KLHL18: variants seen among roughly 807,000 people sequenced by gnomAD.
KLHL18 encodes kelch-like protein 18.
Under a neutral mutation model 58.5 loss-of-function variants are expected in KLHL18, and 38 were observed. The ratio of observed to expected loss-of-function variants is 0.65; its 90% confidence interval spans 0.50 to 0.85. KLHL18 has a LOEUF of 0.85. Among genes scored for constraint, KLHL18 ranks in the 40% least tolerant of loss-of-function variants. The pLI, the probability that KLHL18 is intolerant of heterozygous loss-of-function variation, is 0.00. For missense variants in KLHL18, 624 were observed against 778.4 expected, an observed-to-expected ratio of 0.80 and a Z score of 2.36; for synonymous variants, 303 against 301.9, an observed-to-expected ratio of 1.00 and a Z score of -0.04.
intron 7 of KLHL18, chr3:47,337,829 CTA>C (rs1451079222): frequency 1.3e-5 from 2 of 152,214 alleles, no homozygotes; most frequent in Admixed American, 1.3e-4. Flanking sequence ...TTGCAGCTTC[CTA>C]TGTTTGAGTG....
chr3:47,336,728 C>G lies in KLHL18; in HGVS notation c.1092C>G (p.Thr364=). ...EAYNPETDTW[T]RVGSMNSKRS... ...ACAACCCGGAGACAGACACATGGAC[C>G]AGAGTGGGGAGCATGAATAGCAAGA... Residue 364 remains threonine (T), a synonymous_variant, in exon 7 of 10, where the codon ACC becomes ACG. Transcript: ENST00000232766. The G allele has an allele frequency of 3.7e-6, 6 of 1,614,148 alleles. No individual in the cohort carries two copies. The highest frequency in any genetic ancestry group is 5.1e-6 in the Non-Finnish European group (6 of 1,179,988).
At chr3:47,327,013 CA>C (rs1324020792) in intron 3 of KLHL18, among the ~76,000 whole-genome samples, 5 of 151,024 alleles carry the variant, frequency 3.3e-5, no homozygotes, top group Non-Finnish European at 7.4e-5. Context: ...CCGAGGCAGG[CA>C]GATCGCCTGA....
Position 47,340,617 on chromosome 3 carries a change from G to T in KLHL18, c.1167G>T (p.Gly389=). 2 of 1,614,010 alleles carry T rather than the reference G, an allele frequency of 1.2e-6. No homozygotes were observed. Among genetic ancestry groups the T allele is most frequent in the South Asian group, 2.2e-5 (2 of 91,066 alleles). The change falls in exon 8 of 10, where the codon GGG becomes GGT. Residue 389 remains glycine (G), a synonymous_variant. Transcript: ENST00000232766. ...VVLDGQIYVC[G]GYDGNSSLSS... ...TGGATGGGCAGATCTACGTCTGTGGGGGCTACGATGGCAACTCTTCCCTCA... is the reference window on the plus strand; with the variant it reads ...TGGATGGGCAGATCTACGTCTGTGGTGGCTACGATGGCAACTCTTCCCTCA...
chr3:47,304,329 A>G (rs1703090464), intron 1 of KLHL18, among the ~76,000 whole-genome samples: 1 of 151,874 alleles, frequency 6.6e-6, no homozygotes, highest in African/African-American at 2.4e-5. Flanking sequence ...ACATAGCAAA[A>G]CTCCGTGTCT....
chr3:47,311,202 G>C (rs1365258317), intron 1 of KLHL18, among the ~76,000 whole-genome samples: 1 of 151,700 alleles, frequency 6.6e-6, no homozygotes, highest in Non-Finnish European at 1.5e-5. Flanking sequence ...GTAGAGACGG[G>C]GTTTTACCAT....
chr3:47,333,524 TG>T (rs1168979181), intron 5 of KLHL18, among the ~76,000 whole-genome samples: 30 of 152,196 alleles, frequency 2.0e-4, no homozygotes, highest in African/African-American at 7.0e-4. Flanking sequence ...ATGTGCCATG[TG>T]GGAGCATCAA....
intron 1 of KLHL18, among the ~76,000 whole-genome samples, chr3:47,297,019 G>T (rs1251528243): frequency 1.3e-5 from 2 of 152,178 alleles, no homozygotes; most frequent in African/African-American, 4.8e-5. Context: ...TGGGGGGAGG[G>T]TTTAGAAGAA....
chr3:47,319,827 G>A (rs946601414), intron 2 of KLHL18, 44 bp downstream of exon 2: 25 of 1,605,948 alleles, frequency 1.6e-5, no homozygotes, highest in Non-Finnish European at 2.0e-5. Context: ...CTTTCCAAGT[G>A]CAGTTTCAGC....
chr3:47,328,327 C>T (rs1177887536), intron 3 of KLHL18, among the ~76,000 whole-genome samples: 1 of 151,670 alleles, frequency 6.6e-6, no homozygotes, highest in Non-Finnish European at 1.5e-5. Context: ...AATTGCACCA[C>T]TACACTACAG....
Position 47,334,775 on chromosome 3 carries a change from C to T in KLHL18, c.854C>T (p.Ser285Phe). 1 of 1,614,170 alleles carries T rather than the reference C, an allele frequency of 6.2e-7. No homozygotes were observed. The highest frequency in any genetic ancestry group is 8.5e-7 in the Non-Finnish European group (1 of 1,180,018). Reference protein sequence around the residue: ...AFRTRPRCCTSIAGLIYAVGG... With the variant: ...AFRTRPRCCTFIAGLIYAVGG... ...AGAACCCGGCCACGCTGCTGCACAT[C>T]CATCGCTGGACTTATCTACGCTGTA... Residue 285 changes from serine to phenylalanine, a missense_variant, in exon 6 of 10, where the codon TCC (serine) becomes TTC (phenylalanine). Transcript: ENST00000232766. This position sits in a 1 kb window ranked among gnomAD's most constrained non-coding sequence, Gnocchi z 4.7.
chr3:47,326,365 A>G (rs889021918), intron 3 of KLHL18, among the ~76,000 whole-genome samples: 14 of 152,192 alleles, frequency 9.2e-5, no homozygotes, highest in African/African-American at 3.4e-4. Flanking sequence ...CTGATAAAGC[A>G]TTATGTCTTA....
intron 3 of KLHL18, among the ~76,000 whole-genome samples, chr3:47,327,591 A>T (rs927525495): frequency 6.6e-6 from 1 of 152,252 alleles, no homozygotes; most frequent in African/African-American, 2.4e-5. Flanking sequence ...GGCATTTGAC[A>T]GATGACTGAG....
At chr3:47,307,650 A>G (rs1177419530) in intron 1 of KLHL18, among the ~76,000 whole-genome samples, 3 of 151,832 alleles carry the variant, frequency 2.0e-5, no homozygotes, top group African/African-American at 7.3e-5. Context: ...TCGGCCTCCC[A>G]AAGTGTTGGG....
intron 6 of KLHL18, among the ~76,000 whole-genome samples, chr3:47,335,904 C>T (rs947916659): frequency 2.0e-5 from 3 of 152,142 alleles, no homozygotes; most frequent in African/African-American, 7.2e-5. Flanking sequence ...ACTCAGTGCA[C>T]GCTGGAGCGG....
Position 47,345,407 on chromosome 3 carries a change from A to G in KLHL18, c.*1466A>G, listed in dbSNP as rs1704208081. On this transcript the variant is annotated 3_prime_UTR_variant, in exon 10 of 10. Coordinates refer to ENST00000232766, the MANE Select transcript of KLHL18 (RefSeq NM_025010.5). ...TTATGACATAAAGAACTAAAGGCCG[A>G]AAGAATCTCTTGCTGCTGCAAAGAA... 1 of 152,670 alleles carries G rather than the reference A, an allele frequency of 6.6e-6. No individual in the cohort carries two copies. Among genetic ancestry groups the G allele is most frequent in the Admixed American group, 6.5e-5 (1 of 15,292 alleles). 9.5% of individuals were successfully genotyped at this position (152,670 alleles called of 1,614,324 possible).
At chr3:47,333,443 T>C in intron 5 of KLHL18, 126 bp downstream of exon 5, 3 of 908,522 alleles carry the variant, frequency 3.3e-6, no homozygotes, top group Non-Finnish European at 4.9e-6. Context: ...GCACACAGAT[T>C]GGTCTGCCCT....
In KLHL18 at chr3:47,297,460, T is replaced by C. The variant is rs184113364; in HGVS notation, c.129+14366T>C. 7.2e-4 allele frequency: 309 copies of C among 430,420 alleles called. 2 individuals carry two copies. In the Middle Eastern group the frequency reaches 9.9e-3, roughly 14 times the overall value. The allele number at this position is 430,420 out of a possible 1,614,324, so 26.7% of individuals were successfully genotyped here. A position where few individuals can be genotyped will look rare whatever the true frequency, so the allele number is the denominator to read the frequency against. ...CCCACAAAGTAGCTAGTGTGGTCTGTTTATTTCTTCAGGACTGGGAATGCA... is the reference window on the plus strand; with the variant it reads ...CCCACAAAGTAGCTAGTGTGGTCTGCTTATTTCTTCAGGACTGGGAATGCA... On this transcript the variant is annotated intron_variant, in intron 1 of 9. Transcript: ENST00000232766.
chr3:47,314,985 TTC>T (rs1231372417), intron 1 of KLHL18, among the ~76,000 whole-genome samples: 1 of 152,186 alleles, frequency 6.6e-6, no homozygotes, highest in Non-Finnish European at 1.5e-5. Context: ...TTCTTTTGTC[TTC>T]TGTTTATTTT....
At chr3:47,309,869 C>T (rs547607637) in intron 1 of KLHL18, among the ~76,000 whole-genome samples, 3 of 152,104 alleles carry the variant, frequency 2.0e-5, no homozygotes, top group South Asian at 4.2e-4. Context: ...GGCGTGGCAG[C>T]GCGCGCCTGC....
Sources: gnomAD v4.1 joint callset for allele counts (sites outside exome capture counted in the v4.1 genomes callset) on GRCh38, gnomAD v4.1.1 for gene constraint, Gnocchi (gnomAD v3.1) non-coding constraint, MANE v1.5 for transcripts, NCBI Gene and HGNC (gene_info 2026-07-23, HGNC 2026-07-21) for gene names.